Variants in PFKP observed in about 807,000 individuals in gnomAD.
The protein encoded by PFKP is phosphofructokinase, platelet, also known as ATP-dependent 6-phosphofructokinase, platelet type.
A neutral mutation model predicts 94.3 loss-of-function variants in PFKP; 101 were observed. That is an observed-to-expected ratio of 1.07 (90% CI 0.91 to 1.26). The LOEUF is 1.26. Among genes scored for constraint, PFKP ranks in the 50% most tolerant of loss-of-function variants. PFKP has a pLI of 0.00. For missense variants in PFKP, 1,145 were observed against 1,103.3 expected (o/e 1.04, Z -0.53); for synonymous variants, 573 against 432.6 (o/e 1.32, Z -4.03).
intron 11 of PFKP, 67 bp from the exon 12 acceptor site, chr10:3,113,052 C>T: frequency 1.4e-6 from 2 of 1,443,438 alleles, no homozygotes; most frequent in Non-Finnish European, 9.6e-7. Context: ...GCCACCTTTT[C>T]TCCACATGAG....
intron 19 of PFKP, 114 bp downstream of exon 19, chr10:3,133,428 T>C: frequency 1.3e-6 from 1 of 754,182 alleles, no homozygotes; most frequent in Non-Finnish European, 2.3e-6. Flanking sequence ...TCCAAGATGA[T>C]AAAAAACATC....
chr10:3,126,480 G>A (rs1002451758), intron 16 of PFKP, among the ~76,000 whole-genome samples: 1 of 152,170 alleles, frequency 6.6e-6, no homozygotes, highest in Non-Finnish European at 1.5e-5. Context: ...CCACCCTCGC[G>A]CCCCACACGC....
chr10:3,068,805 C>T, intron 1 of PFKP: 1 of 578,354 alleles, frequency 1.7e-6, no homozygotes, highest in Non-Finnish European at 2.2e-6. Flanking sequence ...AGGCTGGAGA[C>T]GCGGCGCGCC....
rs1835930133 is a variant in PFKP, at chr10:3,109,339, T to A, written c.964-16T>A. The stretch of plus-strand genomic sequence containing the variant: ...GACGGGAGGCTGCCCCTGACCCACA[T>A]GGACCTGGTTTCCAGGCCAGCCGCA... On this transcript the variant is annotated splice_polypyrimidine_tract_variant and intron_variant, in intron 9 of 21. Coordinates refer to ENST00000381125, the MANE Select transcript of PFKP (RefSeq NM_002627.5). 1 of 1,607,910 alleles carries A rather than the reference T, an allele frequency of 6.2e-7. No individual in the cohort carries two copies. The highest frequency in any genetic ancestry group is 8.5e-7 in the Non-Finnish European group (1 of 1,179,964).
Position 3,136,629 on chromosome 10 carries a change from G to GA in PFKP, c.*50_*51insA, listed in dbSNP as rs1564367832. On this transcript the variant is annotated 3_prime_UTR_variant, in exon 22 of 22. Coordinates refer to ENST00000381125, the MANE Select transcript of PFKP (RefSeq NM_002627.5). ...CAGCCACCGTGGACTGTCTGTTTTTGTAACACTTAAGTTATTTTATCAGCA... is the reference window on the plus strand; with the variant it reads ...CAGCCACCGTGGACTGTCTGTTTTTGATAACACTTAAGTTATTTTATCAGCA... 1.9e-6 allele frequency: 3 copies of GA among 1,590,330 alleles called. No homozygotes were observed. Among genetic ancestry groups the GA allele is most frequent in the Admixed American group, 3.4e-5 (2 of 58,790 alleles).
intron 17 of PFKP, among the ~76,000 whole-genome samples, chr10:3,132,089 C>T (rs1290953974): frequency 6.6e-6 from 1 of 152,120 alleles, no homozygotes; most frequent in Non-Finnish European, 1.5e-5. Flanking sequence ...TGAATGATCA[C>T]TAGGCAAAGC....
chr10:3,113,172 A>G lies in PFKP; in HGVS notation c.1208A>G (p.Asp403Gly), dbSNP rs775999919. 6.2e-7 allele frequency: 1 copy of G among 1,612,500 alleles called. No individual in the cohort carries two copies. The highest frequency in any genetic ancestry group is 8.5e-7 in the Non-Finnish European group (1 of 1,179,362). The change falls in exon 12 of 22, where the codon GAT becomes GGT. Residue 403 changes from aspartate to glycine, a missense_variant. Around this residue, in one of 3 missense-constraint regions of PFKP, gnomAD observed 1,119 missense variants for 1,062.8 expected, o/e 1.05. Transcript: ENST00000381125. ...TYKRLAIKLP[D>G]DQIPKTNCNV... The stretch of plus-strand genomic sequence containing the variant: ...AAGCGACTTGCCATCAAGCTGCCGG[A>G]TGATCAGATCCCAAAGGTAGGTGGC...
At chr10:3,108,472 C>T (rs1008344746) in intron 8 of PFKP, among the ~76,000 whole-genome samples, 4 of 151,948 alleles carry the variant, frequency 2.6e-5, no homozygotes, top group East Asian at 1.9e-4. Context: ...TTTCTAGGTG[C>T]GAGCCAAGAT....
chr10:3,077,261 C>CTTTTTTT (rs34485324), intron 1 of PFKP, among the ~76,000 whole-genome samples: 5 of 84,256 alleles, frequency 5.9e-5, no homozygotes, highest in African/African-American at 1.0e-4. Context: ...TTTTTTTTTT[C>CTTTTTTT]TTTTTTTTTT....
chr10:3,073,252 G>A (rs550846808), intron 1 of PFKP, among the ~76,000 whole-genome samples: 1 of 151,950 alleles, frequency 6.6e-6, no homozygotes, highest in Non-Finnish European at 1.5e-5. Context: ...GCAGAATGGA[G>A]GCATCACTCA....
Position 3,105,410 on chromosome 10 carries a change from G to A in PFKP, c.683G>A (p.Ser228Asn). The A allele has an allele frequency of 6.2e-7, 1 of 1,613,942 alleles. No homozygotes were observed. The highest frequency in any genetic ancestry group is 8.5e-7 in the Non-Finnish European group (1 of 1,179,868). The stretch of plus-strand genomic sequence containing the variant: ...CCACATAGGTACCTGGCCCTGGTGA[G>A]TGCCTTGGCCTGCGGTGCGGACTGG... ...GRHCGYLALV[S>N]ALACGADWVF... The change falls in exon 7 of 22, where the codon AGT (serine) becomes AAT (asparagine). Residue 228 changes from serine to asparagine, a missense_variant. By Grantham distance (46) the Ser-to-Asn change is conservative. Around this residue, in one of 3 missense-constraint regions of PFKP, gnomAD observed 1,119 missense variants for 1,062.8 expected, o/e 1.05. Transcript: ENST00000381125.
At chr10:3,124,279 G>A (rs1176753630) in intron 16 of PFKP, among the ~76,000 whole-genome samples, 1 of 152,232 alleles carries the variant, frequency 6.6e-6, no homozygotes, top group Non-Finnish European at 1.5e-5. Context: ...GCCACCACGT[G>A]GATGTCAAAA....
At chr10:3,135,289 C>T (rs946606523) in intron 20 of PFKP, among the ~76,000 whole-genome samples, 6 of 152,066 alleles carry the variant, frequency 3.9e-5, no homozygotes, top group African/African-American at 1.4e-4. Context: ...AAATGACAGT[C>T]TATAAAAACC....
chr10:3,112,083 C>T, intron 10 of PFKP, 139 bp from the exon 11 acceptor site: 2 of 713,674 alleles, frequency 2.8e-6, no homozygotes, highest in Non-Finnish European at 5.1e-6. Flanking sequence ...TCGTCTAGAC[C>T]ATTAACCCTG....
chr10:3,091,689 T>C (rs940166771), intron 2 of PFKP, among the ~76,000 whole-genome samples: 2 of 152,062 alleles, frequency 1.3e-5, no homozygotes, highest in Admixed American at 1.3e-4. Flanking sequence ...GTGTAATCCT[T>C]GGAAGGCTGA....
At chr10:3,119,766 G>A (rs1449456445) in intron 15 of PFKP, 126 bp from the exon 16 acceptor site, 2 of 593,754 alleles carry the variant, frequency 3.4e-6, no homozygotes, top group Non-Finnish European at 2.7e-6. Context: ...ATCTCGGAGT[G>A]TTTTCGTGAT....
chr10:3,075,272 A>G (rs1832490361), intron 1 of PFKP, among the ~76,000 whole-genome samples: 1 of 152,028 alleles, frequency 6.6e-6, no homozygotes, highest in African/African-American at 2.4e-5. Context: ...GATTTTGTTT[A>G]TGGCCAGTTT....
chr10:3,107,249 T>C lies in PFKP; in HGVS notation c.810T>C (p.Ile270=). Residue 270 remains isoleucine, a synonymous_variant, in exon 8 of 22, where the codon ATT becomes ATC. Transcript: ENST00000381125. ...RARKKRLNII[I]VAEGAIDTQN... is the part of the protein sequence containing the mutation. ...GGAAAAAAAGGCTGAATATTATTAT[T>C]GTGGCTGAAGGAGCAATTGATACCC... The C allele has an allele frequency of 1.2e-6, 2 of 1,612,552 alleles. No individual in the cohort carries two copies. The highest frequency in any genetic ancestry group is 1.7e-6 in the Non-Finnish European group (2 of 1,179,068).
intron 1 of PFKP, among the ~76,000 whole-genome samples, chr10:3,080,423 A>G (rs1386154491): frequency 1.3e-5 from 2 of 148,176 alleles, no homozygotes; most frequent in South Asian, 2.2e-4. Context: ...AGGCTGAGGC[A>G]GGAGAATGGC....
Sources: allele counts gnomAD v4.1 joint callset (sites outside exome capture counted in the v4.1 genomes callset), GRCh38; gene constraint gnomAD v4.1.1; regional missense constraint gnomAD v4.1.1; transcripts MANE v1.5; gene names NCBI Gene and HGNC (gene_info 2026-07-23, HGNC 2026-07-21).